The following CNPY1 variants were observed in gnomAD, a reference collection of about 807,000 sequenced individuals.
The protein encoded by CNPY1 is protein canopy homolog 1.
In CNPY1, 14 loss-of-function variants were observed where a neutral mutation model predicts 14.4. That is an observed-to-expected ratio of 0.97 (90% CI 0.64 to 1.52). CNPY1 has a LOEUF of 1.52. Among genes scored for constraint, CNPY1 ranks in the 40% most tolerant of loss-of-function variants. The probability of loss-of-function intolerance (pLI) is 0.00; values close to 1 mark genes in which losing one functional copy is unlikely to be tolerated. For synonymous variants in CNPY1, 43 were observed against 46.5 expected (o/e 0.92, Z 0.31); for missense variants, 129 against 131.5 (o/e 0.98, Z 0.09).
intron 4 of CNPY1, chr7:155,506,657 G>GA (rs1275220212): frequency 4.9e-6 from 1 of 204,680 alleles, no homozygotes; most frequent in Non-Finnish European, 9.8e-6. Flanking sequence ...TGAAGTGAGG[G>GA]TCTCCTTCCC....
intron 2 of CNPY1, among the ~76,000 whole-genome samples, chr7:155,526,715 C>T (rs1022173360): frequency 4.6e-5 from 7 of 152,204 alleles, no homozygotes; most frequent in Non-Finnish European, 1.0e-4. Flanking sequence ...TAAAAGAATG[C>T]TATTACCCAG....
At chr7:155,530,701 G>C (rs1796922921) in intron 2 of CNPY1, among the ~76,000 whole-genome samples, 1 of 152,160 alleles carries the variant, frequency 6.6e-6, no homozygotes, top group African/African-American at 2.4e-5. Flanking sequence ...CTGCATTTGA[G>C]TGAAGAAAAT....
chr7:155,545,783 T>G (rs1480453581), intron 2 of CNPY1, 48 bp downstream of exon 2: 1 of 398,168 alleles, frequency 2.5e-6, no homozygotes, highest in Non-Finnish European at 4.4e-6. Context: ...GGTTGGTAAT[T>G]GCCCATATCC....
rs1796424767 is a variant in CNPY1 at position 155,508,969 on chromosome 7, C to A, written c.228G>T (p.Arg76Ser). 6.2e-7 allele frequency: 1 copy of A among 1,613,724 alleles called. No homozygotes were observed. The highest frequency in any genetic ancestry group is 8.5e-7 in the Non-Finnish European group (1 of 1,179,664). Residue 76 changes from arginine (R) to serine (S), a missense_variant, in exon 3 of 5, where the codon AGG becomes AGT. By Grantham distance (110) the Arg-to-Ser change is moderately radical. Transcript: ENST00000636446. ...ATTCTTGGTATATTTTGTCTCCTTT[C>A]CTAGGAGCGAATCTCTTGAAAGTTC... ...KERTFKRFAP[R>S]KGDKIYQEFK...
At chr7:155,518,150 T>C (rs547663182) in intron 2 of CNPY1, among the ~76,000 whole-genome samples, 1 of 152,014 alleles carries the variant, frequency 6.6e-6, no homozygotes, top group African/African-American at 2.4e-5. Context: ...CCAGGAGGGG[T>C]GGCCAGATCC....
At chr7:155,530,296 C>CTTTTTTTTTT (rs11386824) in intron 2 of CNPY1, among the ~76,000 whole-genome samples, 2 of 96,926 alleles carry the variant, frequency 2.1e-5, no homozygotes, top group Non-Finnish European at 3.8e-5. Flanking sequence ...CCAGCAGGGT[C>CTTTTTTTTTT]TTTTTTTTTT....
chr7:155,533,135 T>C (rs969400376), intron 2 of CNPY1, among the ~76,000 whole-genome samples: 2 of 152,196 alleles, frequency 1.3e-5, no homozygotes, highest in Non-Finnish European at 2.9e-5. Flanking sequence ...AGTGACAACA[T>C]CTGCGTGGCT....
At chr7:155,509,525 A>G (rs1796455581) in intron 2 of CNPY1, among the ~76,000 whole-genome samples, 1 of 151,780 alleles carries the variant, frequency 6.6e-6, no homozygotes, top group Non-Finnish European at 1.5e-5. Flanking sequence ...AGGGAGAGAC[A>G]GAGAGAGGGA....
chr7:155,521,041 G>GC (rs77814377), intron 2 of CNPY1, among the ~76,000 whole-genome samples: 1 of 147,676 alleles, frequency 6.8e-6, no homozygotes, highest in Non-Finnish European at 1.5e-5. Flanking sequence ...GCATGAGAAT[G>GC]AAAAAAAAAG....
At position 155,508,984 on chromosome 7, in the gene CNPY1, C is replaced by T; in HGVS notation, c.213G>A (p.Lys71=). The T allele has an allele frequency of 1.2e-6, 2 of 1,613,826 alleles. No homozygotes were observed. Among genetic ancestry groups the T allele is most frequent in the Non-Finnish European group, 1.7e-6 (2 of 1,179,772 alleles). ...EDPVTKERTF[K]RFAPRKGDKI... ...TGTCTCCTTTCCTAGGAGCGAATCT[C>T]TTGAAAGTTCTCTCCTTCGTCACAG... The change falls in exon 3 of 5, where the codon AAG becomes AAA. Residue 71 remains lysine, a synonymous_variant. Coordinates refer to ENST00000636446, the MANE Select transcript of CNPY1 (RefSeq NM_001393663.1).
chr7:155,522,572 A>T (rs7797574), intron 2 of CNPY1, among the ~76,000 whole-genome samples: 1 of 152,228 alleles, frequency 6.6e-6, no homozygotes, highest in African/African-American at 2.4e-5. Context: ...ACCAGGTTAG[A>T]TGCTGAAGCC....
At chr7:155,518,425 C>G in intron 2 of CNPY1, 1 of 152,282 alleles carries the variant, frequency 6.6e-6, no homozygotes. Flanking sequence ...TTGTCCTGTT[C>G]CAAGCAATGT....
chr7:155,520,630 TGCTTATTTTTTAAAAA>T (rs1349903798), intron 2 of CNPY1, among the ~76,000 whole-genome samples: 2 of 152,080 alleles, frequency 1.3e-5, no homozygotes, highest in East Asian at 3.8e-4. Context: ...TTTTGGCCCC[TGCTTATTTTTTAAAAA>T]GCAGATAGAT....
At chr7:155,542,373 A>G (rs528706050) in intron 2 of CNPY1, among the ~76,000 whole-genome samples, 8 of 152,246 alleles carry the variant, frequency 5.3e-5, no homozygotes, top group African/African-American at 1.9e-4. Flanking sequence ...CCCCTTGCTC[A>G]TGGGCGGGCG....
chr7:155,540,284 T>C (rs1444571317), intron 2 of CNPY1, among the ~76,000 whole-genome samples: 1 of 152,218 alleles, frequency 6.6e-6, no homozygotes, highest in Non-Finnish European at 1.5e-5. Flanking sequence ...TTAATTCAAG[T>C]GCTCGGCTTT....
intron 4 of CNPY1, 46 bp downstream of exon 4, chr7:155,506,974 G>A: frequency 7.9e-7 from 1 of 1,260,584 alleles, no homozygotes; most frequent in Non-Finnish European, 1.2e-6. Flanking sequence ...GAGTGAGAGA[G>A]AGAGGGTGTG....
chr7:155,540,686 A>G (rs1387558919), intron 2 of CNPY1, among the ~76,000 whole-genome samples: 1 of 152,232 alleles, frequency 6.6e-6, no homozygotes, highest in Non-Finnish European at 1.5e-5. Flanking sequence ...CTCGGTGAAC[A>G]CACGTTTCCT....
intron 2 of CNPY1, among the ~76,000 whole-genome samples, chr7:155,522,940 C>T (rs1796751739): frequency 6.6e-6 from 1 of 152,196 alleles, no homozygotes; most frequent in African/African-American, 2.4e-5. Flanking sequence ...TCCAGCCTCC[C>T]TGTATGGGAG....
At chr7:155,521,916 C>T (rs771971417) in intron 2 of CNPY1, among the ~76,000 whole-genome samples, 1 of 152,194 alleles carries the variant, frequency 6.6e-6, no homozygotes, top group African/African-American at 2.4e-5. Context: ...CCCTGCCCTG[C>T]GGCTGACATC....
Sources: gnomAD v4.1 joint callset for allele counts (sites outside exome capture counted in the v4.1 genomes callset) on GRCh38, gnomAD v4.1.1 for gene constraint, MANE v1.5 for transcripts, NCBI Gene and HGNC (gene_info 2026-07-23, HGNC 2026-07-21) for gene names.